SH3KBP1: variants seen among roughly 807,000 people sequenced by gnomAD.
SH3KBP1 encodes SH3 domain containing kinase binding protein 1.
In SH3KBP1, 8 loss-of-function variants were observed where a neutral mutation model predicts 50.1. The observed-to-expected ratio is 0.16, with a 90% CI of 0.09 to 0.29. The LOEUF (loss-of-function observed/expected upper bound fraction) is 0.29. Among genes scored for constraint, SH3KBP1 ranks in the 10% least tolerant of loss-of-function variants. The probability of loss-of-function intolerance (pLI) is 1.00; values close to 1 mark genes in which losing one functional copy is unlikely to be tolerated. For missense variants in SH3KBP1, 377 were observed against 535.2 expected, an observed-to-expected ratio of 0.70 and a Z score of 2.92; for synonymous variants, 227 against 218.6, an observed-to-expected ratio of 1.04 and a Z score of -0.34.
intron 3 of SH3KBP1, among the ~76,000 whole-genome samples, chrX:19,725,579 CT>C (rs2064198261): frequency 8.9e-6 from 1 of 112,121 alleles, no homozygotes; most frequent in Non-Finnish European, 1.9e-5. Context: ...GACACAGTGA[CT>C]GTCTCCCATC....
chrX:19,706,217 A>C (rs2063649312), intron 4 of SH3KBP1, among the ~76,000 whole-genome samples: 1 of 111,671 alleles, frequency 9.0e-6, no homozygotes, highest in Non-Finnish European at 1.9e-5. Context: ...ATCAGAATGA[A>C]TGATAAGGTT....
intron 3 of SH3KBP1, among the ~76,000 whole-genome samples, chrX:19,708,720 C>T (rs1019691275): frequency 8.9e-6 from 1 of 111,944 alleles, no homozygotes; most frequent in Non-Finnish European, 1.9e-5. Context: ...ACTCCACTGG[C>T]CCCATAGATG....
chrX:19,867,643 G>A (rs920219704), intron 1 of SH3KBP1, among the ~76,000 whole-genome samples: 2 of 111,426 alleles, frequency 1.8e-5, no homozygotes, highest in African/African-American at 6.5e-5. Context: ...AAGGGTCCAA[G>A]CACAGTCTTA....
intron 6 of SH3KBP1, among the ~76,000 whole-genome samples, chrX:19,665,677 C>T (rs1294251433): frequency 8.9e-6 from 1 of 111,856 alleles, no homozygotes; most frequent in Non-Finnish European, 1.9e-5. Flanking sequence ...TTTTAAATGG[C>T]CTCCAATGCC....
intron 2 of SH3KBP1, among the ~76,000 whole-genome samples, chrX:19,766,477 T>C (rs1422509744): frequency 2.0e-5 from 2 of 100,960 alleles, no homozygotes; most frequent in Non-Finnish European, 4.0e-5. Context: ...AGTCTGTTGA[T>C]TGCATCTTTT....
chrX:19,740,198 G>C (rs1468205255), intron 3 of SH3KBP1, among the ~76,000 whole-genome samples: 2 of 111,397 alleles, frequency 1.8e-5, no homozygotes, highest in Non-Finnish European at 3.8e-5. Flanking sequence ...ATCAATTGCT[G>C]GTGCTAACAA....
intron 1 of SH3KBP1, among the ~76,000 whole-genome samples, chrX:19,867,094 C>T (rs1282076988): frequency 8.9e-6 from 1 of 111,777 alleles, no homozygotes; most frequent in Non-Finnish European, 1.9e-5. Context: ...TCTTTCGCTG[C>T]CTGTTGGTGA....
intron 1 of SH3KBP1, among the ~76,000 whole-genome samples, chrX:19,858,448 C>T (rs2068706788): frequency 9.0e-6 from 1 of 110,730 alleles, no homozygotes; most frequent in Non-Finnish European, 1.9e-5. Context: ...TAGTGAGATC[C>T]CATCTCTACA....
At chrX:19,881,104 A>G (rs932196750) in intron 1 of SH3KBP1, among the ~76,000 whole-genome samples, 2 of 112,321 alleles carry the variant, frequency 1.8e-5, no homozygotes, top group Non-Finnish European at 3.8e-5. Flanking sequence ...TACAAGGCAG[A>G]GGAGAGAGTG....
At chrX:19,765,547 A>AT (rs913369867) in intron 2 of SH3KBP1, among the ~76,000 whole-genome samples, 1 of 111,574 alleles carries the variant, frequency 9.0e-6, no homozygotes, top group Non-Finnish European at 1.9e-5. Context: ...TTTAAAAAAA[A>AT]TTTTTTTTAA....
intron 6 of SH3KBP1, among the ~76,000 whole-genome samples, chrX:19,649,898 G>A (rs772730630): frequency 8.9e-6 from 1 of 112,474 alleles, no homozygotes; most frequent in Non-Finnish European, 1.9e-5. Flanking sequence ...TGTGACTGCA[G>A]AACGTGAGAC....
chrX:19,735,601 T>G (rs778776169), intron 3 of SH3KBP1, among the ~76,000 whole-genome samples: 1 of 109,787 alleles, frequency 9.1e-6, no homozygotes, highest in South Asian at 4.0e-4. Flanking sequence ...TTAATTTCTA[T>G]GTAATTGTGA....
intron 16 of SH3KBP1, among the ~76,000 whole-genome samples, chrX:19,539,592 T>A (rs1220283271): frequency 9.0e-6 from 1 of 111,532 alleles, no homozygotes; most frequent in African/African-American, 3.3e-5. Flanking sequence ...AGTCACTAAG[T>A]CTTGAACTAG....
Position 19,569,171 on chromosome X carries a change from A to G in SH3KBP1, c.1316T>C (p.Ile439Thr), listed in dbSNP as rs1488573871. 8.3e-7 allele frequency: 1 copy of G among 1,209,178 alleles called. No individual in the cohort carries two copies. The highest frequency in any genetic ancestry group is 1.1e-6 in the Non-Finnish European group (1 of 892,847). Reference protein sequence around the residue: ...LTHTRGDSPKIDLAGSSLSGI... With the variant: ...LTHTRGDSPKTDLAGSSLSGI... ...AGATAGCGAACTGCCGGCCAAGTCA[A>G]TCTTTGGACTGTCACCCCTACATTA... Residue 439 changes from isoleucine to threonine, a missense_variant, in exon 13 of 18, where the codon ATT becomes ACT. Transcript: ENST00000397821.
At chrX:19,846,332 G>T (rs914484738) in intron 1 of SH3KBP1, among the ~76,000 whole-genome samples, 3 of 112,595 alleles carry the variant, frequency 2.7e-5, no homozygotes, top group African/African-American at 9.7e-5. Flanking sequence ...TTACGGGCAT[G>T]AGCCACCACA....
rs371276256 is a variant in SH3KBP1, at chrX:19,541,114, G to A, written c.1892+811C>T. Among the ~76,000 whole-genome samples the A allele has an allele frequency of 2.4e-4, 27 of 111,082 alleles. 1 individual carries two copies. In the East Asian group the frequency reaches 4.3e-3, roughly 18 times the overall value. On this transcript the variant is annotated intron_variant, in intron 16 of 17. Transcript: ENST00000397821. The stretch of plus-strand genomic sequence containing the variant: ...GTATTTTTAGTAGAGACAGGGTTTC[G>A]CCATGTTGGCCAGGCTAGTCTCAAA...
chrX:19,611,089 C>T (rs1044950623), intron 8 of SH3KBP1, among the ~76,000 whole-genome samples: 3 of 110,441 alleles, frequency 2.7e-5, no homozygotes, highest in Admixed American at 9.6e-5. Context: ...TTTCGCCGTG[C>T]TGCCCAGGCT....
intron 2 of SH3KBP1, among the ~76,000 whole-genome samples, chrX:19,822,468 T>C: frequency 8.9e-6 from 1 of 112,423 alleles, no homozygotes; most frequent in East Asian, 2.8e-4. Context: ...GTGAGCTTTT[T>C]AACTTGTTTA....
At chrX:19,543,997 G>A (rs944847407) in intron 15 of SH3KBP1, among the ~76,000 whole-genome samples, 9 of 110,760 alleles carry the variant, frequency 8.1e-5, no homozygotes, top group South Asian at 3.8e-4. Flanking sequence ...GCTTGGCAAC[G>A]CGGCCGTGAG....
Sources: gnomAD v4.1 joint callset for allele counts (sites outside exome capture counted in the v4.1 genomes callset) on GRCh38, gnomAD v4.1.1 for gene constraint, MANE v1.5 for transcripts, NCBI Gene and HGNC (gene_info 2026-07-23, HGNC 2026-07-21) for gene names.